Variants in NCKAP1L observed in about 807,000 individuals in gnomAD.
NCKAP1L encodes nck-associated protein 1-like.
In NCKAP1L, 53 loss-of-function variants were observed where a neutral mutation model predicts 139.2. The observed-to-expected ratio is 0.38, with a 90% CI of 0.31 to 0.48. The LOEUF (loss-of-function observed/expected upper bound fraction) is 0.48, where lower values mean the gene tolerates loss of function less well. Ranked by LOEUF, NCKAP1L falls within the 20% of genes least tolerant of loss-of-function variation. The pLI, the probability that NCKAP1L is intolerant of heterozygous loss-of-function variation, is 0.98. For synonymous variants in NCKAP1L, 468 were observed against 499.7 expected (o/e 0.94, Z 0.85); for missense variants, 1,151 against 1,381.9 (o/e 0.83, Z 2.65).
At chr12:54,507,715 T>C in intron 3 of NCKAP1L, 138 bp from the exon 4 acceptor site, 2 of 778,002 alleles carry the variant, frequency 2.6e-6, no homozygotes, top group Non-Finnish European at 4.4e-6. Flanking sequence ...TTCCTCCCTC[T>C]TTTTCACAGT....
At position 54,520,840 on chromosome 12, in the gene NCKAP1L, T is replaced by A; in HGVS notation, c.1758+14T>A. On this transcript the variant is annotated intron_variant, in intron 17 of 30. Coordinates refer to ENST00000293373, the MANE Select transcript of NCKAP1L (RefSeq NM_005337.5). ...TGCCCAGAGGAGGTAGGTATCCTGATCTCCAGACCCTGTCATCTTTCTAGT... is the reference window on the plus strand; with the variant it reads ...TGCCCAGAGGAGGTAGGTATCCTGAACTCCAGACCCTGTCATCTTTCTAGT... The A allele has an allele frequency of 6.2e-7, 1 of 1,614,020 alleles. No individual in the cohort carries two copies. Among genetic ancestry groups the A allele is most frequent in the South Asian group, 1.1e-5 (1 of 91,066 alleles).
chr12:54,505,747 C>T (rs1375331761), intron 3 of NCKAP1L, among the ~76,000 whole-genome samples: 8 of 151,492 alleles, frequency 5.3e-5, no homozygotes, highest in African/African-American at 1.9e-4. Context: ...ACTGCAACAT[C>T]TGCCTCCTGG....
At chr12:54,509,128 A>G (rs946301938) in intron 5 of NCKAP1L, among the ~76,000 whole-genome samples, 1 of 152,206 alleles carries the variant, frequency 6.6e-6, no homozygotes, top group Non-Finnish European at 1.5e-5. Flanking sequence ...TTTGAAGCCA[A>G]ATATAAATGG....
intron 18 of NCKAP1L, 50 bp downstream of exon 18, chr12:54,521,288 C>G: frequency 6.2e-7 from 1 of 1,601,764 alleles, no homozygotes; most frequent in Middle Eastern, 1.7e-4. Flanking sequence ...GCGCTCAGTG[C>G]CTTCCCCTCT....
chr12:54,499,739 C>T (rs1956781941), intron 2 of NCKAP1L, among the ~76,000 whole-genome samples: 1 of 152,116 alleles, frequency 6.6e-6, no homozygotes, highest in African/African-American at 2.4e-5. Flanking sequence ...TGTTTTTGTA[C>T]AAGACAGCTC....
chr12:54,543,038 T>C lies in NCKAP1L; in HGVS notation c.*353T>C, dbSNP rs1957172577. On this transcript the variant is annotated 3_prime_UTR_variant, in exon 31 of 31. Coordinates refer to ENST00000293373, the MANE Select transcript of NCKAP1L (RefSeq NM_005337.5). ...TGGGCCTCTCCGACCTTCATCACTA[T>C]TCTTAGGATAATGCTGGCGGGCAGA... The C allele has an allele frequency of 4.9e-6, 1 of 205,444 alleles. No individual in the cohort carries two copies. The highest frequency in any genetic ancestry group is 9.8e-6 in the Non-Finnish European group (1 of 101,586). The allele number at this position is 205,444 out of a possible 1,614,324, so 12.7% of individuals were successfully genotyped here.
intron 16 of NCKAP1L, 118 bp from the exon 17 acceptor site, chr12:54,520,576 C>A (rs1241609161): frequency 2.0e-6 from 2 of 981,982 alleles, no homozygotes; most frequent in East Asian, 2.4e-5. Context: ...GAATGAATAT[C>A]CTCTCCGCCT....
At chr12:54,526,889 G>A (rs1957031581) in intron 21 of NCKAP1L, 143 bp downstream of exon 21, 2 of 673,736 alleles carry the variant, frequency 3.0e-6, no homozygotes, top group African/African-American at 1.8e-5. Flanking sequence ...GAGGAATGGA[G>A]CAATAACCTG....
intron 3 of NCKAP1L, among the ~76,000 whole-genome samples, chr12:54,507,043 C>T (rs1352402639): frequency 3.3e-5 from 5 of 151,350 alleles, no homozygotes; most frequent in African/African-American, 9.7e-5. Context: ...AGCAAAATTA[C>T]AAGCAGGGAA....
intron 30 of NCKAP1L, among the ~76,000 whole-genome samples, chr12:54,539,924 G>A (rs891733299): frequency 4.6e-5 from 7 of 152,296 alleles, no homozygotes; most frequent in African/African-American, 7.2e-5. Flanking sequence ...CCCAAGGGAC[G>A]TGTGGCTGGA....
chr12:54,518,069 G>C (rs566587849), intron 13 of NCKAP1L, 131 bp downstream of exon 13: 8 of 1,041,232 alleles, frequency 7.7e-6, no homozygotes, highest in Non-Finnish European at 1.1e-5. Flanking sequence ...GGCTGGGCGC[G>C]GTGGCTCACG....
intron 28 of NCKAP1L, 82 bp downstream of exon 28, chr12:54,536,327 A>G: frequency 9.9e-7 from 1 of 1,008,736 alleles, no homozygotes. Context: ...GATACTGGAA[A>G]ATATAGACTT....
rs1481529919 is a variant in NCKAP1L, at chr12:54,528,388, G to A, written c.2506+11G>A. On this transcript the variant is annotated intron_variant, in intron 22 of 30. Coordinates refer to ENST00000293373, the MANE Select transcript of NCKAP1L (RefSeq NM_005337.5). ...TCTCTGACATCTCTGGTGAGCTCAG[G>A]GCCTGGTCTTCTTGTCAAGGAGCTG... 6.2e-7 allele frequency: 1 copy of A among 1,612,004 alleles called. No homozygotes were observed. The highest frequency in any genetic ancestry group is 1.1e-5 in the South Asian group (1 of 90,806).
At chr12:54,513,639 G>T (rs932132748) in intron 9 of NCKAP1L, among the ~76,000 whole-genome samples, 1 of 152,142 alleles carries the variant, frequency 6.6e-6, no homozygotes, top group African/African-American at 2.4e-5. Context: ...AATAAAATAA[G>T]AATTGAAAAA....
At chr12:54,539,113 A>T (rs1957137075) in intron 30 of NCKAP1L, 140 bp downstream of exon 30, 1 of 667,838 alleles carries the variant, frequency 1.5e-6, no homozygotes, top group African/African-American at 1.8e-5. Context: ...AACCCTCTGA[A>T]TGTAGTCCTC....
chr12:54,517,976 G>T, intron 13 of NCKAP1L, 38 bp downstream of exon 13: 7 of 1,611,054 alleles, frequency 4.3e-6, no homozygotes, highest in Non-Finnish European at 5.9e-6. Flanking sequence ...GAAATTTCAG[G>T]ATGATCCCTA....
intron 22 of NCKAP1L, 150 bp downstream of exon 22, chr12:54,528,527 A>G: frequency 1.1e-6 from 1 of 875,254 alleles, no homozygotes; most frequent in South Asian, 1.7e-5. Context: ...TTTTGCACCA[A>G]CCTAATAGTG....
chr12:54,535,084 T>G lies in NCKAP1L; in HGVS notation c.2863-20T>G, dbSNP rs1957103915. 1 of 1,605,042 alleles carries G rather than the reference T, an allele frequency of 6.2e-7. No homozygotes were observed. The highest frequency in any genetic ancestry group is 8.5e-7 in the Non-Finnish European group (1 of 1,173,156). ...TGTGTCCTGCGAATCCTCTCTAGAATGTTATTTTCTTCTCTCCAGGTGACC... is the reference window on the plus strand; with the variant it reads ...TGTGTCCTGCGAATCCTCTCTAGAAGGTTATTTTCTTCTCTCCAGGTGACC... On this transcript the variant is annotated intron_variant, in intron 26 of 30. Transcript: ENST00000293373.
At chr12:54,499,606 A>T (rs1353061731) in intron 2 of NCKAP1L, 141 bp downstream of exon 2, 1 of 595,618 alleles carries the variant, frequency 1.7e-6, no homozygotes. Flanking sequence ...AGGCTCAACC[A>T]CAGGGCTTCA....
Sources: allele counts gnomAD v4.1 joint callset (sites outside exome capture counted in the v4.1 genomes callset), GRCh38; gene constraint gnomAD v4.1.1; transcripts MANE v1.5; gene names NCBI Gene and HGNC (gene_info 2026-07-23, HGNC 2026-07-21).